The following DNMT3A variants were observed in gnomAD, a reference collection of about 807,000 sequenced individuals.
The protein encoded by DNMT3A is DNA (cytosine-5)-methyltransferase 3A.
Under a neutral mutation model 117.6 loss-of-function variants are expected in DNMT3A, and 267 were observed. The observed-to-expected ratio is 2.27, with a 90% CI of 2.05 to 2.51. DNMT3A has a LOEUF of 2.51. Ranked by LOEUF, DNMT3A falls within the 30% of genes most tolerant of loss-of-function variation. DNMT3A has a pLI of 0.00. For synonymous variants in DNMT3A, 432 were observed against 474.8 expected (o/e 0.91, Z 1.17); for missense variants, 1,029 against 1,260.2 (o/e 0.82, Z 2.78).
At chr2:25,328,664 G>A (rs1022364375) in intron 1 of DNMT3A, 1 of 523,520 alleles carries the variant, frequency 1.9e-6, no homozygotes, top group African/African-American at 1.9e-5. Context: ...GTCACTCCCA[G>A]GCAGCTGCAA....
rs370885017 is a variant in DNMT3A at position 25,295,839 on chromosome 2, T to C, written c.177+4300A>G. 8.9e-4 allele frequency among the ~76,000 whole-genome samples: 135 copies of C among 152,374 alleles called. 1 individual carries two copies. The highest frequency in any genetic ancestry group is 3.0e-3 in the African/African-American group (125 of 41,594). ...TAAAACGCCTTTGTAGGCAGTAACA[T>C]GCTGCATAACCATGAGCCTTTACTG... On this transcript the variant is annotated intron_variant, in intron 3 of 22. Coordinates refer to ENST00000321117, the MANE Select transcript of DNMT3A (RefSeq NM_022552.5).
intron 6 of DNMT3A, among the ~76,000 whole-genome samples, chr2:25,262,284 T>C (rs1446857287): frequency 6.7e-6 from 1 of 149,608 alleles, no homozygotes; most frequent in East Asian, 2.0e-4. Flanking sequence ...ATCCACCCCC[T>C]CCTAAGAGAA....
intron 3 of DNMT3A, among the ~76,000 whole-genome samples, chr2:25,297,388 C>T (rs569144709): frequency 1.3e-5 from 2 of 152,270 alleles, no homozygotes; most frequent in East Asian, 3.9e-4. Context: ...GGATGCGCCC[C>T]GCCTCCCAGG....
In DNMT3A at chr2:25,247,394, G is replaced by A; in HGVS notation, c.1014+197C>T. 1 of 917,768 alleles carries A rather than the reference G, an allele frequency of 1.1e-6. No individual in the cohort carries two copies. Among genetic ancestry groups the A allele is most frequent in the South Asian group, 1.8e-5 (1 of 56,886 alleles). 56.9% of individuals were successfully genotyped at this position (917,768 alleles called of 1,614,324 possible). On this transcript the variant is annotated intron_variant, in intron 8 of 22. Transcript: ENST00000321117. The surrounding 1 kb of genome is among the most constrained non-coding windows in gnomAD (Gnocchi z 5.6). ...ATAGGTTCCTGGAAGGCTAAAACTG[G>A]GCCAGCATCCTAGCTCTCTGAGCCA...
chr2:25,235,934 G>A, intron 21 of DNMT3A, 109 bp from the exon 22 acceptor site: 2 of 1,015,642 alleles, frequency 2.0e-6, no homozygotes, highest in South Asian at 2.6e-5. Flanking sequence ...ACAGGGCCTG[G>A]TCCACCCAGG....
intron 1 of DNMT3A, among the ~76,000 whole-genome samples, chr2:25,321,801 G>A (rs911603784): frequency 1.3e-5 from 2 of 152,160 alleles, no homozygotes; most frequent in African/African-American, 2.4e-5. Flanking sequence ...TGGGAGGATC[G>A]CTCGAGCCCA....
At chr2:25,274,185 G>C (rs2031195585) in intron 6 of DNMT3A, among the ~76,000 whole-genome samples, 1 of 152,164 alleles carries the variant, frequency 6.6e-6, no homozygotes, top group South Asian at 2.1e-4. Context: ...GTTCAGGCCA[G>C]ACCCCTGTGA....
rs1675973801 is a variant in DNMT3A, at chr2:25,254,803, A to G, written c.640-6551T>C. 6.6e-6 allele frequency among the ~76,000 whole-genome samples: 1 copy of G among 152,172 alleles called. No homozygotes were observed. The highest frequency in any genetic ancestry group is 2.4e-5 in the African/African-American group (1 of 41,444). On this transcript the variant is annotated intron_variant, in intron 6 of 22. Transcript: ENST00000321117. The surrounding 1 kb of genome is among the most constrained non-coding windows in gnomAD (Gnocchi z 4.7). ...TGTACGATACCCGCTCTTCCATTAT[A>G]ATGCGGCTAAACACCTTAGACTCCA...
At chr2:25,278,161 A>C (rs1363089326) in intron 4 of DNMT3A, among the ~76,000 whole-genome samples, 1 of 152,216 alleles carries the variant, frequency 6.6e-6, no homozygotes, top group Non-Finnish European at 1.5e-5. Flanking sequence ...GCCCAGGCCC[A>C]GGGTCACCGC....
Position 25,245,252 on chromosome 2 carries a change from C to A in DNMT3A, c.1554+1G>T. ...CCTCTCCTGGGTGGGTGTGCTCCTA[C>A]CTTGCAGTTTTGGCACATTCCTCCA... On this transcript the variant is annotated splice_donor_variant, in intron 13 of 22. Coordinates refer to ENST00000321117, the MANE Select transcript of DNMT3A (RefSeq NM_022552.5). LOFTEE classifies it high-confidence loss of function. 3 of 1,613,712 alleles carry A rather than the reference C, an allele frequency of 1.9e-6. No individual in the cohort carries two copies. The highest frequency in any genetic ancestry group is 2.5e-6 in the Non-Finnish European group (3 of 1,179,884).
chr2:25,250,661 G>A (rs1447942207), intron 6 of DNMT3A, among the ~76,000 whole-genome samples: 2 of 152,172 alleles, frequency 1.3e-5, no homozygotes, highest in African/African-American at 4.8e-5. Flanking sequence ...AGCTACCCTC[G>A]CAGAGGAGCC....
chr2:25,258,180 G>C (rs1038586913), intron 6 of DNMT3A, among the ~76,000 whole-genome samples: 2 of 152,190 alleles, frequency 1.3e-5, no homozygotes, highest in Non-Finnish European at 2.9e-5. Flanking sequence ...AGATGATTTG[G>C]GCTAAAAGAG....
chr2:25,248,655 C>T (rs543703804), intron 6 of DNMT3A, among the ~76,000 whole-genome samples: 181 of 152,110 alleles, frequency 1.2e-3, no homozygotes, highest in Middle Eastern at 6.8e-3. Flanking sequence ...TCAAGCGATT[C>T]GCCTGTCTCA....
intron 16 of DNMT3A, among the ~76,000 whole-genome samples, chr2:25,242,602 G>A (rs755049134): frequency 3.3e-5 from 5 of 152,176 alleles, no homozygotes; most frequent in Admixed American, 1.3e-4. Context: ...ACATCTGGCC[G>A]GGGAAGCCAT....
At chr2:25,258,757 C>T (rs1676367534) in intron 6 of DNMT3A, among the ~76,000 whole-genome samples, 1 of 152,182 alleles carries the variant, frequency 6.6e-6, no homozygotes, top group Non-Finnish European at 1.5e-5. Context: ...GGCACAACCT[C>T]CCAGGTTTTT....
intron 6 of DNMT3A, among the ~76,000 whole-genome samples, chr2:25,250,569 C>A (rs1253583118): frequency 6.6e-6 from 1 of 152,202 alleles, no homozygotes; most frequent in East Asian, 1.9e-4. Context: ...GCCATCGCCT[C>A]CTCCCCTACG....
At chr2:25,267,605 G>A (rs534947770) in intron 6 of DNMT3A, among the ~76,000 whole-genome samples, 1 of 152,042 alleles carries the variant, frequency 6.6e-6, no homozygotes, top group Non-Finnish European at 1.5e-5. Flanking sequence ...AAGTTTGGGC[G>A]GACTTTTTCA....
intron 6 of DNMT3A, among the ~76,000 whole-genome samples, chr2:25,270,450 G>A (rs545155016): frequency 2.0e-5 from 3 of 152,298 alleles, no homozygotes; most frequent in African/African-American, 4.8e-5. Flanking sequence ...TCTGGAAACC[G>A]GCTCAGTAAA....
chr2:25,242,819 C>T (rs1383848263), intron 16 of DNMT3A, among the ~76,000 whole-genome samples: 1 of 152,128 alleles, frequency 6.6e-6, no homozygotes, highest in African/African-American at 2.4e-5. Flanking sequence ...GCAAACAATG[C>T]CTGCAGGGTG....
Sources: gnomAD v4.1 joint callset for allele counts (sites outside exome capture counted in the v4.1 genomes callset) on GRCh38, gnomAD v4.1.1 for gene constraint, Gnocchi (gnomAD v3.1) non-coding constraint, MANE v1.5 for transcripts, NCBI Gene and HGNC (gene_info 2026-07-23, HGNC 2026-07-21) for gene names.